The following DCC variants were observed in gnomAD, a reference collection of about 807,000 sequenced individuals.
The protein encoded by DCC is netrin receptor DCC.
Under a neutral mutation model 172.5 loss-of-function variants are expected in DCC, and 58 were observed. The observed-to-expected ratio is 0.34, with a 90% CI of 0.27 to 0.42. DCC has a LOEUF of 0.42. Among genes scored for constraint, DCC ranks in the 10% least tolerant of loss-of-function variants. DCC has a pLI of 1.00. For missense variants in DCC, 1,740 were observed against 1,791.0 expected (o/e 0.97, Z 0.51); for synonymous variants, 709 against 644.5 (o/e 1.10, Z -1.52).
At chr18:52,944,880 G>T (rs1219287849) in intron 5 of DCC, among the ~76,000 whole-genome samples, 1 of 152,156 alleles carries the variant, frequency 6.6e-6, no homozygotes, top group Non-Finnish European at 1.5e-5. Context: ...GATAAGAAAA[G>T]AGTATCCAAA....
intron 2 of DCC, among the ~76,000 whole-genome samples, chr18:52,771,357 G>A (rs2037339828): frequency 6.6e-6 from 1 of 152,124 alleles, no homozygotes; most frequent in South Asian, 2.1e-4. Context: ...AAATTAAAAG[G>A]GAATATGCCT....
chr18:52,926,798 CACAT>C (rs1178553821), intron 5 of DCC, among the ~76,000 whole-genome samples: 4 of 146,718 alleles, frequency 2.7e-5, no homozygotes, highest in Non-Finnish European at 6.0e-5. Context: ...TATACACACA[CACAT>C]ATACATATGT....
chr18:52,753,242 C>A (rs1015302701), intron 2 of DCC, among the ~76,000 whole-genome samples: 1 of 152,054 alleles, frequency 6.6e-6, no homozygotes, highest in African/African-American at 2.4e-5. Flanking sequence ...TTTTCACCAA[C>A]AACGCACATT....
At chr18:53,190,864 T>C (rs1437232771) in intron 9 of DCC, among the ~76,000 whole-genome samples, 1 of 152,116 alleles carries the variant, frequency 6.6e-6, no homozygotes, top group Non-Finnish European at 1.5e-5. Flanking sequence ...GAGAATGGCG[T>C]GAACCTGGGA....
chr18:53,456,196 G>C (rs544615864), intron 23 of DCC, among the ~76,000 whole-genome samples: 1 of 152,308 alleles, frequency 6.6e-6, no homozygotes, highest in East Asian at 1.9e-4. Context: ...CTTGAAAGGA[G>C]ACTTAAAGAA....
intron 5 of DCC, among the ~76,000 whole-genome samples, chr18:52,961,423 A>G (rs1432689132): frequency 1.3e-5 from 2 of 152,188 alleles, no homozygotes; most frequent in Non-Finnish European, 1.5e-5. Context: ...ATCTATCTTT[A>G]TATGAAAAGT....
chr18:52,365,658 T>C (rs1397423351), intron 1 of DCC, among the ~76,000 whole-genome samples: 3 of 152,204 alleles, frequency 2.0e-5, no homozygotes, highest in Non-Finnish European at 4.4e-5. Context: ...CCTTCTCCAC[T>C]GTAGTCAGAT....
At chr18:53,158,662 T>C (rs1253113573) in intron 8 of DCC, among the ~76,000 whole-genome samples, 3 of 152,070 alleles carry the variant, frequency 2.0e-5, no homozygotes, top group Non-Finnish European at 4.4e-5. Flanking sequence ...TTTTAAAGTT[T>C]CTGTTATCTT....
chr18:52,535,547 G>A (rs994016498), intron 1 of DCC, among the ~76,000 whole-genome samples: 25 of 152,226 alleles, frequency 1.6e-4, no homozygotes, highest in African/African-American at 5.8e-4. Flanking sequence ...AACTAGACGT[G>A]TAAATCATGT....
At chr18:52,854,699 G>C (rs576424851) in intron 2 of DCC, among the ~76,000 whole-genome samples, 1 of 152,202 alleles carries the variant, frequency 6.6e-6, no homozygotes, top group Non-Finnish European at 1.5e-5. Flanking sequence ...CGCCTTGTAA[G>C]CACTTGCTTG....
chr18:52,816,029 G>T (rs1209632058), intron 2 of DCC, among the ~76,000 whole-genome samples: 1 of 152,184 alleles, frequency 6.6e-6, no homozygotes, highest in East Asian at 1.9e-4. Context: ...TAATTATTGT[G>T]CCCTTGCATT....
At chr18:53,216,585 T>C (rs1191351907) in intron 12 of DCC, among the ~76,000 whole-genome samples, 1 of 152,164 alleles carries the variant, frequency 6.6e-6, no homozygotes, top group Non-Finnish European at 1.5e-5. Flanking sequence ...ATGCGATGAA[T>C]CTGACTTGAT....
chr18:53,208,105 GTTTTTTTTT>G (rs141875005), intron 11 of DCC, among the ~76,000 whole-genome samples: 1 of 127,142 alleles, frequency 7.9e-6, no homozygotes, highest in East Asian at 2.4e-4. Context: ...CTCTGTAAAT[GTTTTTTTTT>G]TTTTTTTTTA....
At chr18:53,363,907 A>G (rs763527795) in intron 15 of DCC, among the ~76,000 whole-genome samples, 7 of 152,192 alleles carry the variant, frequency 4.6e-5, no homozygotes, top group Non-Finnish European at 1.0e-4. Context: ...ATTACTATCC[A>G]TGAGATACAT....
chr18:53,152,263 T>C (rs2144381240), intron 7 of DCC, among the ~76,000 whole-genome samples: 1 of 152,318 alleles, frequency 6.6e-6, no homozygotes, highest in South Asian at 2.1e-4. Flanking sequence ...TTTGTTGTTA[T>C]GAGTACCCCT....
intron 5 of DCC, among the ~76,000 whole-genome samples, chr18:52,955,376 A>G (rs1252322200): frequency 7.3e-6 from 1 of 136,440 alleles, no homozygotes; most frequent in Non-Finnish European, 1.7e-5. Flanking sequence ...GTATGAGTTT[A>G]GTAGACCTTT....
At chr18:53,068,794 TG>T (rs1391255156) in intron 7 of DCC, among the ~76,000 whole-genome samples, 1 of 151,004 alleles carries the variant, frequency 6.6e-6, no homozygotes, top group Non-Finnish European at 1.5e-5. Flanking sequence ...TGTGTGTGTG[TG>T]TGTATGTGTA....
At chr18:52,693,608 C>A (rs1478266084) in intron 1 of DCC, among the ~76,000 whole-genome samples, 2 of 151,544 alleles carry the variant, frequency 1.3e-5, no homozygotes, top group Non-Finnish European at 2.9e-5. Flanking sequence ...TTTTAAATAC[C>A]ATTCTCTAGT....
chr18:53,238,172 CAG>C (rs1439284903), intron 12 of DCC, among the ~76,000 whole-genome samples: 1 of 152,122 alleles, frequency 6.6e-6, no homozygotes, highest in Non-Finnish European at 1.5e-5. Context: ...TTATGACACA[CAG>C]AAATGCATTA....
Sources: gnomAD v4.1 joint callset for allele counts (sites outside exome capture counted in the v4.1 genomes callset) on GRCh38, gnomAD v4.1.1 for gene constraint, MANE v1.5 for transcripts, NCBI Gene and HGNC (gene_info 2026-07-23, HGNC 2026-07-21) for gene names.